ERBB4: variants seen among roughly 807,000 people sequenced by gnomAD.
ERBB4 encodes receptor tyrosine-protein kinase erbB-4.
In ERBB4, 42 loss-of-function variants were observed where a neutral mutation model predicts 158.0. The ratio of observed to expected loss-of-function variants is 0.27; its 90% CI spans 0.21 to 0.34. The LOEUF (loss-of-function observed/expected upper bound fraction) is 0.34. Ranked by LOEUF, ERBB4 falls within the 10% of genes least tolerant of loss-of-function variation. The pLI is 1.00. For synonymous variants in ERBB4, 583 were observed against 558.7 expected (o/e 1.04, Z -0.61); for missense variants, 1,333 against 1,624.1 (o/e 0.82, Z 3.08).
intron 1 of ERBB4, among the ~76,000 whole-genome samples, chr2:212,362,315 T>C (rs1341154573): frequency 6.6e-6 from 1 of 151,448 alleles, no homozygotes; most frequent in Non-Finnish European, 1.5e-5. Flanking sequence ...AATTAGCGGC[T>C]AATTTTAAAG....
At position 212,378,543 on chromosome 2, in the gene ERBB4, TGA is replaced by T. The variant is rs537611181; in HGVS notation, c.82+159904_82+159905del. On this transcript the variant is annotated intron_variant, in intron 1 of 27. Coordinates refer to ENST00000342788, the MANE Select transcript of ERBB4 (RefSeq NM_005235.3). ...GTACCATCTTCTGGGAAATCAGCCT[TGA>T]GAGAGTTATTTTCACCTAAAATTTG... 5.3e-5 allele frequency among the ~76,000 whole-genome samples: 8 copies of T among 151,986 alleles called. No homozygotes were observed. The South Asian group carries it at 1.7e-3, about 31-fold the overall frequency.
chr2:212,265,125 C>T (rs568149453), intron 1 of ERBB4, among the ~76,000 whole-genome samples: 1 of 152,218 alleles, frequency 6.6e-6, no homozygotes, highest in Admixed American at 6.6e-5. Flanking sequence ...GCTCAGGACA[C>T]TACACTTAAC....
chr2:211,424,318 A>ATTCT lies in ERBB4; in HGVS notation c.2720-21_2720-18dup. 2 of 1,602,384 alleles carry ATTCT rather than the reference A, an allele frequency of 1.2e-6. No homozygotes were observed. The highest frequency in any genetic ancestry group is 1.7e-6 in the Non-Finnish European group (2 of 1,170,228). The stretch of plus-strand genomic sequence containing the variant: ...TAGTAACTCCTATATTGGAGAAAAA[A>ATTCT]TTCTTACTTAAGCATATTAACAACA... On this transcript the variant is annotated splice_polypyrimidine_tract_variant and intron_variant, in intron 22 of 27. Coordinates refer to ENST00000342788, the MANE Select transcript of ERBB4 (RefSeq NM_005235.3).
At chr2:212,323,415 G>T (rs1042113661) in intron 1 of ERBB4, among the ~76,000 whole-genome samples, 2 of 150,356 alleles carry the variant, frequency 1.3e-5, no homozygotes, top group South Asian at 4.3e-4. Flanking sequence ...ATGGGAGTTA[G>T]GAAAGGTAGT....
chr2:211,839,192 AGGG>A (rs2077413439), intron 3 of ERBB4, among the ~76,000 whole-genome samples: 1 of 126,762 alleles, frequency 7.9e-6, no homozygotes, highest in African/African-American at 3.0e-5. Context: ...GAGGAGGAGG[AGGG>A]AAAGAAAGAA....
At chr2:211,752,625 A>G (rs1009267931) in intron 4 of ERBB4, among the ~76,000 whole-genome samples, 1 of 152,108 alleles carries the variant, frequency 6.6e-6, no homozygotes, top group African/African-American at 2.4e-5. Flanking sequence ...ACATTTTTAT[A>G]TTCTCAATGT....
intron 1 of ERBB4, among the ~76,000 whole-genome samples, chr2:212,250,803 C>A (rs980102809): frequency 4.0e-5 from 6 of 151,618 alleles, no homozygotes; most frequent in African/African-American, 1.5e-4. Flanking sequence ...TGAAAAAAAA[C>A]CATGCTATCA....
chr2:212,418,532 TAAAC>T (rs973705351), intron 1 of ERBB4, among the ~76,000 whole-genome samples: 2 of 149,762 alleles, frequency 1.3e-5, no homozygotes, highest in African/African-American at 4.9e-5. Context: ...TAAAATAAAA[TAAAC>T]ATATATATAT....
At chr2:211,539,027 A>G (rs776795838) in intron 20 of ERBB4, among the ~76,000 whole-genome samples, 2 of 151,982 alleles carry the variant, frequency 1.3e-5, no homozygotes. Flanking sequence ...TACTAACTCC[A>G]GATACATGAA....
At chr2:212,276,273 C>T (rs1043125854) in intron 1 of ERBB4, among the ~76,000 whole-genome samples, 2 of 151,628 alleles carry the variant, frequency 1.3e-5, no homozygotes, top group Admixed American at 1.3e-4. Context: ...AGGGAGGATG[C>T]CACTTTAGAT....
intron 1 of ERBB4, among the ~76,000 whole-genome samples, chr2:212,299,888 G>A (rs2086556291): frequency 6.6e-6 from 1 of 151,596 alleles, no homozygotes; most frequent in South Asian, 2.1e-4. Context: ...TTTGTTTCAA[G>A]TTTGACATTT....
At chr2:211,469,445 T>C (rs143148787) in intron 20 of ERBB4, among the ~76,000 whole-genome samples, 2 of 152,262 alleles carry the variant, frequency 1.3e-5, no homozygotes, top group South Asian at 2.1e-4. Context: ...ACATGAGATA[T>C]GCATGTTTAT....
chr2:212,428,490 G>A (rs906931071), intron 1 of ERBB4, among the ~76,000 whole-genome samples: 3 of 151,818 alleles, frequency 2.0e-5, no homozygotes, highest in Admixed American at 6.6e-5. Context: ...ACCAAAGGGT[G>A]AAATGATAGT....
At chr2:211,949,483 G>T (rs1318368318) in intron 2 of ERBB4, among the ~76,000 whole-genome samples, 2 of 152,120 alleles carry the variant, frequency 1.3e-5, no homozygotes, top group East Asian at 3.8e-4. Context: ...ATGATGAAAT[G>T]ATAACATTTG....
chr2:212,377,087 G>C (rs766641598), intron 1 of ERBB4, among the ~76,000 whole-genome samples: 37 of 151,496 alleles, frequency 2.4e-4, no homozygotes, highest in South Asian at 1.2e-3. Flanking sequence ...ATTGCCTTTG[G>C]TGCCACTGCT....
At chr2:212,500,944 C>G (rs1012815898) in intron 1 of ERBB4, among the ~76,000 whole-genome samples, 2 of 150,374 alleles carry the variant, frequency 1.3e-5, no homozygotes, top group South Asian at 4.2e-4. Flanking sequence ...CTCTGTTCTT[C>G]CTTAAAGGGT....
At chr2:211,528,795 T>C (rs749544608) in intron 20 of ERBB4, among the ~76,000 whole-genome samples, 4 of 151,652 alleles carry the variant, frequency 2.6e-5, no homozygotes, top group Non-Finnish European at 4.4e-5. Flanking sequence ...AATTGAAAAG[T>C]TTCTTGAAAA....
intron 20 of ERBB4, among the ~76,000 whole-genome samples, chr2:211,505,959 CAA>C (rs529052924): frequency 9.5e-5 from 9 of 94,698 alleles, no homozygotes; most frequent in African/African-American, 7.2e-5. Flanking sequence ...GACTCCATCT[CAA>C]AAAAAAAAAA....
intron 20 of ERBB4, among the ~76,000 whole-genome samples, chr2:211,501,947 G>T (rs560755500): frequency 3.3e-5 from 5 of 152,142 alleles, no homozygotes; most frequent in Admixed American, 2.0e-4. Flanking sequence ...TATATTTGTT[G>T]TTCCTCCATA....
Sources: gnomAD v4.1 joint callset for allele counts (sites outside exome capture counted in the v4.1 genomes callset) on GRCh38, gnomAD v4.1.1 for gene constraint, MANE v1.5 for transcripts, NCBI Gene and HGNC (gene_info 2026-07-23, HGNC 2026-07-21) for gene names.